SCAPER: variants seen among roughly 807,000 people sequenced by gnomAD.
SCAPER encodes S-phase cyclin A associated protein in the ER.
A neutral mutation model predicts 182.2 loss-of-function variants in SCAPER; 98 were observed. The ratio of observed to expected loss-of-function variants is 0.54; its 90% CI spans 0.46 to 0.64. SCAPER has a LOEUF of 0.64. Ranked by LOEUF, SCAPER falls within the 30% of genes least tolerant of loss-of-function variation. SCAPER has a pLI of 0.00. For synonymous variants in SCAPER, 605 were observed against 564.6 expected (o/e 1.07, Z -1.01); for missense variants, 1,432 against 1,690.0 (o/e 0.85, Z 2.68).
chr15:76,814,431 G>A (rs537557674), intron 5 of SCAPER, among the ~76,000 whole-genome samples: 2 of 151,916 alleles, frequency 1.3e-5, no homozygotes, highest in East Asian at 1.9e-4. Context: ...ACAGAACAAC[G>A]AAATGTAACA....
chr15:76,892,200 A>T (rs1163637044), intron 1 of SCAPER, among the ~76,000 whole-genome samples: 1 of 152,262 alleles, frequency 6.6e-6, no homozygotes, highest in Non-Finnish European at 1.5e-5. Context: ...CTTAAATGTA[A>T]GACCTAAAAC....
chr15:76,614,390 T>C (rs2145982164), intron 22 of SCAPER, among the ~76,000 whole-genome samples: 1 of 152,144 alleles, frequency 6.6e-6, no homozygotes, highest in East Asian at 1.9e-4. Flanking sequence ...AACCCTGAAC[T>C]TAAAAGTTAA....
intron 5 of SCAPER, among the ~76,000 whole-genome samples, chr15:76,806,710 C>T (rs911994495): frequency 2.6e-5 from 4 of 152,148 alleles, no homozygotes; most frequent in African/African-American, 9.6e-5. Context: ...TTAGGTTTCT[C>T]TTATTTCTTA....
chr15:76,456,760 T>C (rs1241892156), intron 25 of SCAPER, among the ~76,000 whole-genome samples: 3 of 152,240 alleles, frequency 2.0e-5, no homozygotes, highest in Admixed American at 6.5e-5. Context: ...CCTTATATTC[T>C]GTCAATTTTT....
At chr15:76,862,668 CAG>C (rs2071973353) in intron 2 of SCAPER, 135 bp from the exon 3 acceptor site, 5 of 505,566 alleles carry the variant, frequency 9.9e-6, no homozygotes, top group East Asian at 3.4e-5. Flanking sequence ...GGTGGTTAAA[CAG>C]AGAAAAGGAA....
At chr15:76,589,870 C>G (rs1191690409) in intron 22 of SCAPER, among the ~76,000 whole-genome samples, 1 of 152,176 alleles carries the variant, frequency 6.6e-6, no homozygotes, top group African/African-American at 2.4e-5. Flanking sequence ...CCGTGGCCTC[C>G]TCTACCCCTG....
chr15:76,833,511 T>C (rs1014517166), intron 5 of SCAPER, among the ~76,000 whole-genome samples: 4 of 152,084 alleles, frequency 2.6e-5, no homozygotes, highest in Non-Finnish European at 5.9e-5. Context: ...GCATCACATA[T>C]CAATATTGAC....
Position 76,741,490 on chromosome 15 carries a change from G to C in SCAPER, c.1867-8106C>G, listed in dbSNP as rs185695341. Among the ~76,000 whole-genome samples the C allele has an allele frequency of 2.3e-3, 349 of 152,206 alleles. 1 individual carries two copies. The highest frequency in any genetic ancestry group is 8.1e-3 in the African/African-American group (335 of 41,570). ...AATACCCTCCAGAAAGATTAATCTG[G>C]AGGGAGGAGGAACAAAAGGGAAGAA... On this transcript the variant is annotated intron_variant, in intron 15 of 31. Coordinates refer to ENST00000563290, the MANE Select transcript of SCAPER (RefSeq NM_020843.4).
At chr15:76,370,779 TC>T (rs151080133) in intron 29 of SCAPER, among the ~76,000 whole-genome samples, 336 of 152,298 alleles carry the variant, frequency 2.2e-3, no homozygotes, top group African/African-American at 7.9e-3. Flanking sequence ...ACCCAGGCTT[TC>T]TATCTGCTAA....
chr15:76,705,993 A>C lies in SCAPER; in HGVS notation c.2166-9T>G. ...ATCGTTCTTCCCTGTCTCTGTAAGA[A>C]GACAGTAAAAATTATAAACTCAACT... On this transcript the variant is annotated splice_polypyrimidine_tract_variant and intron_variant, in intron 17 of 31. Coordinates refer to ENST00000563290, the MANE Select transcript of SCAPER (RefSeq NM_020843.4). The C allele has an allele frequency of 6.5e-7, 1 of 1,536,262 alleles. No individual in the cohort carries two copies. Among genetic ancestry groups the C allele is most frequent in the Non-Finnish European group, 8.7e-7 (1 of 1,144,704 alleles).
At chr15:76,638,819 G>C (rs1036845045) in intron 21 of SCAPER, among the ~76,000 whole-genome samples, 24 of 152,170 alleles carry the variant, frequency 1.6e-4, no homozygotes, top group African/African-American at 5.8e-4. Flanking sequence ...TATTCCTAGT[G>C]TGGTTCTAAA....
intron 5 of SCAPER, among the ~76,000 whole-genome samples, chr15:76,826,641 A>G (rs1403470572): frequency 6.6e-6 from 1 of 152,084 alleles, no homozygotes; most frequent in East Asian, 1.9e-4. Flanking sequence ...TAGAAGGAGG[A>G]GCATGGATGT....
Position 76,599,061 on chromosome 15 carries a change from C to G in SCAPER, c.2711+22703G>C, listed in dbSNP as rs187244098. 1.0e-3 allele frequency among the ~76,000 whole-genome samples: 124 copies of G among 119,518 alleles called. 13 individuals are homozygous for G. The highest frequency in any genetic ancestry group is 3.0e-3 in the African/African-American group (118 of 39,490). 78.4% of individuals were successfully genotyped at this position (119,518 alleles called of 152,430 possible). ...AAAATATACACAAGTATATAGATATCTACAATTCAATAATAAAAAAAGATA... is the reference window on the plus strand; with the variant it reads ...AAAATATACACAAGTATATAGATATGTACAATTCAATAATAAAAAAAGATA... On this transcript the variant is annotated intron_variant, in intron 22 of 31. Transcript: ENST00000563290.
At chr15:76,494,973 C>T (rs1244056983) in intron 24 of SCAPER, among the ~76,000 whole-genome samples, 1 of 152,012 alleles carries the variant, frequency 6.6e-6, no homozygotes, top group Non-Finnish European at 1.5e-5. Context: ...GTAAATCATT[C>T]AGTCTTTAAA....
chr15:76,390,182 C>T (rs1434228434), intron 27 of SCAPER, among the ~76,000 whole-genome samples: 1 of 152,140 alleles, frequency 6.6e-6, no homozygotes, highest in African/African-American at 2.4e-5. Context: ...TCTCAAACTC[C>T]TAGCCTCAAG....
chr15:76,820,035 TGA>T (rs1487658599), intron 5 of SCAPER, among the ~76,000 whole-genome samples: 1 of 152,068 alleles, frequency 6.6e-6, no homozygotes, highest in Non-Finnish European at 1.5e-5. Flanking sequence ...AAAACCACAA[TGA>T]GATACCATCT....
Position 76,862,533 on chromosome 15 carries a change from C to T in SCAPER, c.7G>A (p.Ala3Thr). The change falls in exon 3 of 32, where the codon GCT becomes ACT. Residue 3 changes from alanine to threonine, a missense_variant and splice_region_variant. Ala to Thr is a moderately conservative substitution (Grantham distance 58, BLOSUM62 0). Around this residue, in one of 5 missense-constraint regions of SCAPER, gnomAD observed 480 missense variants for 510.2 expected, o/e 0.94. Transcript: ENST00000563290. MMASFQRSNSHDK... is the reference protein window; with the variant it reads MMTSFQRSNSHDK... ...TGACTATTGGAGCGCTGGAATGAAG[C>T]CTATGTATGGAAAAGATGGTACTTA... The T allele has an allele frequency of 6.3e-7, 1 of 1,584,958 alleles. No homozygotes were observed. Among genetic ancestry groups the T allele is most frequent in the Non-Finnish European group, 8.7e-7 (1 of 1,155,390 alleles).
intron 21 of SCAPER, among the ~76,000 whole-genome samples, chr15:76,637,527 C>G (rs1230300413): frequency 1.3e-5 from 2 of 151,706 alleles, no homozygotes; most frequent in Admixed American, 6.6e-5. Context: ...TGAGACCCCC[C>G]CATCTCTACA....
At chr15:76,515,282 A>T (rs1450741818) in intron 23 of SCAPER, among the ~76,000 whole-genome samples, 1 of 152,170 alleles carries the variant, frequency 6.6e-6, no homozygotes, top group Admixed American at 6.5e-5. Context: ...AGAGTGAGTG[A>T]GAGAGGGTGA....
Sources: gnomAD v4.1 joint callset for allele counts (sites outside exome capture counted in the v4.1 genomes callset) on GRCh38, gnomAD v4.1.1 for gene constraint, gnomAD v4.1.1 regional missense constraint, MANE v1.5 for transcripts, NCBI Gene and HGNC (gene_info 2026-07-23, HGNC 2026-07-21) for gene names.